Variants in VRK1 observed in about 807,000 individuals in gnomAD.
The protein encoded by VRK1 is VRK serine/threonine kinase 1, also known as serine/threonine-protein kinase VRK1.
Under a neutral mutation model 57.1 loss-of-function variants are expected in VRK1, and 33 were observed. That is an observed-to-expected ratio of 0.58 (90% confidence interval 0.44 to 0.77). VRK1 has a LOEUF of 0.77. Among genes scored for constraint, VRK1 ranks in the 30% least tolerant of loss-of-function variants. The pLI is 0.00. For synonymous variants in VRK1, 137 were observed against 147.8 expected (o/e 0.93, Z 0.53); for missense variants, 413 against 477.3 (o/e 0.87, Z 1.25).
chr14:96,842,593 G>A (rs1255005996), intron 3 of VRK1, among the ~76,000 whole-genome samples: 1 of 152,132 alleles, frequency 6.6e-6, no homozygotes, highest in African/African-American at 2.4e-5. Flanking sequence ...TTTATCATTA[G>A]AGAAAAAACT....
chr14:96,865,762 T>A (rs933141647), intron 11 of VRK1, among the ~76,000 whole-genome samples: 123 of 144,200 alleles, frequency 8.5e-4, no homozygotes, highest in African/African-American at 1.6e-3. Context: ...AATTCTTCTG[T>A]TTTTTTTTTT....
intron 1 of VRK1, among the ~76,000 whole-genome samples, chr14:96,803,313 G>T (rs1183253065): frequency 2.0e-5 from 3 of 151,802 alleles, no homozygotes; most frequent in Non-Finnish European, 4.4e-5. Context: ...CTGGGTCACA[G>T]GCGCCTGCTG....
At chr14:96,870,737 A>G (rs1296006173) in intron 11 of VRK1, among the ~76,000 whole-genome samples, 1 of 152,144 alleles carries the variant, frequency 6.6e-6, no homozygotes, top group African/African-American at 2.4e-5. Flanking sequence ...TGACATTTTG[A>G]TGAAAGTTCT....
chr14:96,839,005 A>C (rs1207824003), intron 3 of VRK1, among the ~76,000 whole-genome samples: 1 of 151,834 alleles, frequency 6.6e-6, no homozygotes, highest in Middle Eastern at 3.2e-3. Flanking sequence ...CATTTCCATC[A>C]TACTAAAAAG....
At chr14:96,874,061 G>A (rs1452012428) in intron 11 of VRK1, among the ~76,000 whole-genome samples, 1 of 152,132 alleles carries the variant, frequency 6.6e-6, no homozygotes, top group African/African-American at 2.4e-5. Context: ...AATGCACTTA[G>A]GTTCTTGGGT....
chr14:96,838,093 T>G (rs565366536), intron 3 of VRK1, among the ~76,000 whole-genome samples: 3 of 152,084 alleles, frequency 2.0e-5, no homozygotes, highest in Non-Finnish European at 2.9e-5. Flanking sequence ...TTCAGCTCAT[T>G]TAAGAAATTT....
intron 10 of VRK1, among the ~76,000 whole-genome samples, chr14:96,857,211 TC>T (rs541972952): frequency 2.2e-3 from 330 of 151,962 alleles, no homozygotes; most frequent in Admixed American, 4.4e-3. Flanking sequence ...ATTTATATGT[TC>T]CCCCTGGTTA....
At chr14:96,878,070 GC>G (rs1363234438) in intron 12 of VRK1, among the ~76,000 whole-genome samples, 1 of 152,008 alleles carries the variant, frequency 6.6e-6, no homozygotes, top group African/African-American at 2.4e-5. Context: ...ACTCAAAATT[GC>G]CGTTCTTAAA....
chr14:96,840,539 T>G (rs561221426), intron 3 of VRK1, among the ~76,000 whole-genome samples: 2 of 152,332 alleles, frequency 1.3e-5, no homozygotes, highest in Admixed American at 1.3e-4. Context: ...GGAACTAAAG[T>G]TCTTAGTATT....
intron 12 of VRK1, among the ~76,000 whole-genome samples, chr14:96,878,497 T>C (rs1414407326): frequency 6.6e-6 from 1 of 152,218 alleles, no homozygotes; most frequent in Non-Finnish European, 1.5e-5. Context: ...TTTTTCGCAC[T>C]GTGTGATCTT....
intron 3 of VRK1, among the ~76,000 whole-genome samples, chr14:96,845,412 TG>T (rs1850553681): frequency 1.3e-5 from 2 of 152,236 alleles, no homozygotes; most frequent in African/African-American, 4.8e-5. Flanking sequence ...TGTGAATGTA[TG>T]TCTCTTTAGT....
At chr14:96,817,680 C>G (rs552729296) in intron 1 of VRK1, among the ~76,000 whole-genome samples, 2 of 151,982 alleles carry the variant, frequency 1.3e-5, no homozygotes, top group South Asian at 4.1e-4. Flanking sequence ...TAGTGAACAT[C>G]CAGAGAATTA....
At chr14:96,803,069 T>C (rs1885726992) in intron 1 of VRK1, among the ~76,000 whole-genome samples, 1 of 152,156 alleles carries the variant, frequency 6.6e-6, no homozygotes, top group African/African-American at 2.4e-5. Flanking sequence ...TTAGTCACTC[T>C]TGGTTATCAG....
Position 96,858,880 on chromosome 14 carries a change from A to C in VRK1, c.890-1677A>C, listed in dbSNP as rs569900220. 2.6e-5 allele frequency: 4 copies of C among 152,218 alleles called. No individual in the cohort carries two copies. In the East Asian group the frequency reaches 7.7e-4, roughly 29 times the overall value. 9.4% of individuals were successfully genotyped at this position (152,218 alleles called of 1,614,324 possible). On this transcript the variant is annotated intron_variant, in intron 10 of 12. Coordinates refer to ENST00000216639, the MANE Select transcript of VRK1 (RefSeq NM_003384.3). ...GCTATTCTTTGCCCTTTGCATTTCT[A>C]TTTAAATTTTAGAATCACCTTGTCA...
chr14:96,860,902 T>C, intron 11 of VRK1, 167 bp downstream of exon 11: 1 of 576,710 alleles, frequency 1.7e-6, no homozygotes. Flanking sequence ...TGTAGAAAAA[T>C]AAATATTTAT....
chr14:96,852,389 G>A (rs375425970), intron 5 of VRK1, among the ~76,000 whole-genome samples: 68 of 152,250 alleles, frequency 4.5e-4, no homozygotes, highest in African/African-American at 1.5e-3. Flanking sequence ...CGAGAATCTT[G>A]ATTTTAGCAG....
intron 12 of VRK1, among the ~76,000 whole-genome samples, chr14:96,879,318 C>T (rs1566723713): frequency 1.3e-5 from 2 of 152,060 alleles, no homozygotes; most frequent in African/African-American, 4.8e-5. Context: ...CAACAAGGTG[C>T]GTAGGACTGA....
chr14:96,848,286 A>G (rs918240714), intron 5 of VRK1, among the ~76,000 whole-genome samples: 1 of 152,062 alleles, frequency 6.6e-6, no homozygotes, highest in African/African-American at 2.4e-5. Flanking sequence ...GTGTGTTGTG[A>G]GTTTCACTTT....
Position 96,813,120 on chromosome 14 carries a change from C to G in VRK1, c.-6+15673C>G, listed in dbSNP as rs370108109. The stretch of plus-strand genomic sequence containing the variant: ...AAGACAGGGTCCCTGATTTGGCGAT[C>G]CTCACAAACTGTGTCACAAGAGATT... On this transcript the variant is annotated intron_variant, in intron 1 of 12. Transcript: ENST00000216639. Among the ~76,000 whole-genome samples the G allele has an allele frequency of 1.6e-4, 25 of 152,272 alleles. No individual in the cohort carries two copies. The East Asian group carries it at 4.4e-3, about 27-fold the overall frequency.
Sources: allele counts gnomAD v4.1 joint callset (sites outside exome capture counted in the v4.1 genomes callset), GRCh38; gene constraint gnomAD v4.1.1; transcripts MANE v1.5; gene names NCBI Gene and HGNC (gene_info 2026-07-23, HGNC 2026-07-21).